Variants in SLC35A3 observed in about 807,000 individuals in gnomAD.
The protein encoded by SLC35A3 is UDP-N-acetylglucosamine transporter.
A neutral mutation model predicts 39.0 loss-of-function variants in SLC35A3; 26 were observed. The ratio of observed to expected loss-of-function variants is 0.67; its 90% CI spans 0.49 to 0.92. The LOEUF (loss-of-function observed/expected upper bound fraction) is 0.92, where lower values mean the gene tolerates loss of function less well. SLC35A3 is among the 40% of genes least tolerant of loss of function. SLC35A3 has a pLI of 0.00. For synonymous variants in SLC35A3, 135 were observed against 133.1 expected, an observed-to-expected ratio of 1.01 and a Z score of -0.10; for missense variants, 299 against 371.6, an observed-to-expected ratio of 0.80 and a Z score of 1.61.
At chr1:100,014,878 G>A (rs1375639935) in intron 5 of SLC35A3, among the ~76,000 whole-genome samples, 1 of 151,934 alleles carries the variant, frequency 6.6e-6, no homozygotes, top group East Asian at 1.9e-4. Context: ...ATCTAATTTT[G>A]GCTGGGCACG....
Position 100,034,455 on chromosome 1 carries a change from A to G in SLC35A3, c.*11979A>G, listed in dbSNP as rs574847565. The G allele has an allele frequency of 2.0e-5, 3 of 152,046 alleles. No individual in the cohort carries two copies. Among genetic ancestry groups the G allele is most frequent in the Non-Finnish European group, 4.4e-5 (3 of 68,002 alleles). The allele number at this position is 152,046 out of a possible 1,614,324, so 9.4% of individuals were successfully genotyped here. A position where few individuals can be genotyped will look rare whatever the true frequency, so the allele number is the denominator to read the frequency against. On this transcript the variant is annotated 3_prime_UTR_variant, in exon 8 of 8. Transcript: ENST00000533028. Reference sequence around the variant, plus strand: ...AATGATATTCATGTTGGAGTGTTGTATATTATTTGCCTCTGCTTCATATTG... The same window carrying G: ...AATGATATTCATGTTGGAGTGTTGTGTATTATTTGCCTCTGCTTCATATTG...
chr1:100,034,576 T>C lies in SLC35A3; in HGVS notation c.*12100T>C, dbSNP rs1393262503. ...TTTTTGGTGGCTTTTCTATTCATGATTAAATGTGTAGGATCTTCTTCAATC... is the reference window on the plus strand; with the variant it reads ...TTTTTGGTGGCTTTTCTATTCATGACTAAATGTGTAGGATCTTCTTCAATC... On this transcript the variant is annotated 3_prime_UTR_variant, in exon 8 of 8. Transcript: ENST00000533028. 2 of 152,198 alleles carry C rather than the reference T, an allele frequency of 1.3e-5. No homozygotes were observed. The highest frequency in any genetic ancestry group is 2.9e-5 in the Non-Finnish European group (2 of 68,022). The allele number at this position is 152,198 out of a possible 1,614,324, so 9.4% of individuals were successfully genotyped here.
At chr1:99,990,535 C>T (rs921538535) in intron 1 of SLC35A3, among the ~76,000 whole-genome samples, 2 of 152,186 alleles carry the variant, frequency 1.3e-5, no homozygotes, top group Non-Finnish European at 2.9e-5. Context: ...GATCATACCA[C>T]TGCACTCCAG....
chr1:99,971,296 A>G (rs1383488736), intron 1 of SLC35A3, among the ~76,000 whole-genome samples: 1 of 151,914 alleles, frequency 6.6e-6, no homozygotes, highest in African/African-American at 2.4e-5. Flanking sequence ...GGCTCCAGTA[A>G]AATCAATATG....
chr1:99,972,331 C>CT (rs761559206), intron 1 of SLC35A3, among the ~76,000 whole-genome samples: 19,963 of 131,942 alleles, frequency 0.15, 2,171 homozygotes, highest in African/African-American at 0.28. Flanking sequence ...GTACTTACTA[C>CT]TTTTTTTTTT....
At chr1:100,006,175 G>A (rs959878501) in intron 3 of SLC35A3, among the ~76,000 whole-genome samples, 1 of 152,154 alleles carries the variant, frequency 6.6e-6, no homozygotes, top group Non-Finnish European at 1.5e-5. Flanking sequence ...GGAGGCTGTG[G>A]CAAGGCTTTG....
intron 2 of SLC35A3, among the ~76,000 whole-genome samples, chr1:99,996,037 A>G (rs1016940824): frequency 4.6e-5 from 7 of 152,220 alleles, no homozygotes; most frequent in Admixed American, 4.6e-4. Flanking sequence ...TGTGGTGAAA[A>G]TGTGGTAAAA....
At chr1:99,990,079 C>T (rs565073812) in intron 1 of SLC35A3, among the ~76,000 whole-genome samples, 1 of 152,184 alleles carries the variant, frequency 6.6e-6, no homozygotes, top group South Asian at 2.1e-4. Flanking sequence ...TTAATGTGTC[C>T]AGTTTATCCA....
chr1:100,033,497 T>C lies in SLC35A3; in HGVS notation c.*11021T>C, dbSNP rs1661361983. The C allele has an allele frequency of 6.6e-6, 1 of 152,168 alleles. No individual in the cohort carries two copies. The highest frequency in any genetic ancestry group is 2.1e-4 in the South Asian group (1 of 4,828). The allele number at this position is 152,168 out of a possible 1,614,324, so 9.4% of individuals were successfully genotyped here. A position where few individuals can be genotyped will look rare whatever the true frequency, so the allele number is the denominator to read the frequency against. On this transcript the variant is annotated 3_prime_UTR_variant, in exon 8 of 8. Coordinates refer to ENST00000533028, the MANE Select transcript of SLC35A3 (RefSeq NM_012243.3). ...TTTCTTTTTAAAAAGCAAACAAATATGCATATTGCTGTACTTACTGTGCCT... is the reference window on the plus strand; with the variant it reads ...TTTCTTTTTAAAAAGCAAACAAATACGCATATTGCTGTACTTACTGTGCCT...
At chr1:100,002,253 CT>C (rs1658863833) in intron 3 of SLC35A3, among the ~76,000 whole-genome samples, 1 of 152,116 alleles carries the variant, frequency 6.6e-6, no homozygotes, top group Non-Finnish European at 1.5e-5. Flanking sequence ...CTGGACTTTT[CT>C]TTTGTGGGAG....
chr1:99,995,866 A>G (rs906487085), intron 2 of SLC35A3, among the ~76,000 whole-genome samples: 7 of 152,218 alleles, frequency 4.6e-5, no homozygotes, highest in Non-Finnish European at 1.0e-4. Flanking sequence ...GAATCAGCAA[A>G]AGAAGACAGA....
At chr1:99,991,252 C>G (rs1299111775) in intron 1 of SLC35A3, among the ~76,000 whole-genome samples, 1 of 152,160 alleles carries the variant, frequency 6.6e-6, no homozygotes, top group Non-Finnish European at 1.5e-5. Flanking sequence ...TCAATCAATT[C>G]TCCTGCCTCA....
intron 1 of SLC35A3, among the ~76,000 whole-genome samples, chr1:99,976,722 T>C (rs534978105): frequency 1.3e-3 from 195 of 152,298 alleles, no homozygotes; most frequent in African/African-American, 4.7e-3. Flanking sequence ...AACTAAATAC[T>C]GCATGCTCTC....
At chr1:100,022,094 T>G (rs1660587334) in intron 7 of SLC35A3, among the ~76,000 whole-genome samples, 1 of 152,214 alleles carries the variant, frequency 6.6e-6, no homozygotes, top group South Asian at 2.1e-4. Flanking sequence ...TTGATCCTCT[T>G]GAAGTTGTGG....
chr1:100,015,618 A>G, intron 6 of SLC35A3, 198 bp downstream of exon 6: 1 of 496,096 alleles, frequency 2.0e-6, no homozygotes, highest in East Asian at 3.5e-5. Flanking sequence ...GGGGTCTTTA[A>G]TGAACTTTGT....
At chr1:100,007,286 G>A in intron 4 of SLC35A3, 130 bp downstream of exon 4, 1 of 763,874 alleles carries the variant, frequency 1.3e-6, no homozygotes, top group Non-Finnish European at 2.1e-6. Context: ...ACTAACATAT[G>A]TTTTGAGGGC....
intron 4 of SLC35A3, chr1:100,009,531 TGGAGA>T (rs1659473773): frequency 6.6e-6 from 1 of 152,274 alleles, no homozygotes. Context: ...AAGGGCTCAC[TGGAGA>T]GTTGGAAGGG....
At chr1:99,980,960 A>C (rs925505027) in intron 1 of SLC35A3, among the ~76,000 whole-genome samples, 1 of 152,182 alleles carries the variant, frequency 6.6e-6, no homozygotes, top group African/African-American at 2.4e-5. Context: ...CTTCTTCTTG[A>C]GTACTGTATC....
intron 1 of SLC35A3, among the ~76,000 whole-genome samples, chr1:99,991,407 G>C (rs1658071978): frequency 6.6e-6 from 1 of 152,212 alleles, no homozygotes; most frequent in Non-Finnish European, 1.5e-5. Context: ...GCCTCCCAAA[G>C]TGCTGGGATT....
Sources: allele counts gnomAD v4.1 joint callset (sites outside exome capture counted in the v4.1 genomes callset), GRCh38; gene constraint gnomAD v4.1.1; transcripts MANE v1.5; gene names NCBI Gene and HGNC (gene_info 2026-07-23, HGNC 2026-07-21).